Variants in TSPOAP1 observed in about 807,000 individuals in gnomAD.
The protein encoded by TSPOAP1 is TSPO associated protein 1, also known as peripheral-type benzodiazepine receptor-associated protein 1.
In TSPOAP1, 87 loss-of-function variants were observed where a neutral mutation model predicts 197.0. That is an observed-to-expected ratio of 0.44 (90% confidence interval 0.37 to 0.53). The LOEUF is 0.53. Among genes scored for constraint, TSPOAP1 ranks in the 20% least tolerant of loss-of-function variants. The pLI is 0.00. For missense variants in TSPOAP1, 2,174 were observed against 2,411.3 expected, an observed-to-expected ratio of 0.90 and a Z score of 2.06; for synonymous variants, 913 against 998.9, an observed-to-expected ratio of 0.91 and a Z score of 1.62.
chr17:58,319,128 C>T lies in TSPOAP1; in HGVS notation c.1661G>A (p.Cys554Tyr), dbSNP rs1157036159. 1.3e-6 allele frequency: 2 copies of T among 1,547,208 alleles called. No individual in the cohort carries two copies. Among genetic ancestry groups the T allele is most frequent in the South Asian group, 1.2e-5 (1 of 84,170 alleles). Residue 554 changes from cysteine to tyrosine, a missense_variant, in exon 13 of 32, where the codon TGC becomes TAC. Coordinates refer to ENST00000343736, the MANE Select transcript of TSPOAP1 (RefSeq NM_004758.4). The part of the protein sequence containing the change: ...LGDCPPPPCC[C>Y]SIPQPCRGSG... ...CCCCCGGCAAGGCTGGGGAATGGAG[C>T]AGCAGCAGGGGGGTGGTGGGCAGTC...
At chr17:58,311,801 GATAACGCAA>G in intron 17 of TSPOAP1, 79 bp from the exon 18 acceptor site, 1 of 1,495,672 alleles carries the variant, frequency 6.7e-7, no homozygotes, top group African/African-American at 1.4e-5. Flanking sequence ...CTATTTCCCT[GATAACGCAA>G]ATAAGATCAG....
At chr17:58,320,229 T>G in intron 11 of TSPOAP1, 100 bp from the exon 12 acceptor site, 5 of 1,389,176 alleles carry the variant, frequency 3.6e-6, no homozygotes, top group Non-Finnish European at 5.1e-6. Context: ...GTGGATATCA[T>G]CCAGTCAGCT....
Position 58,309,058 on chromosome 17 carries a change from C to A in TSPOAP1, c.4214G>T (p.Arg1405Leu). 6.2e-7 allele frequency: 1 copy of A among 1,612,584 alleles called. No homozygotes were observed. The highest frequency in any genetic ancestry group is 8.5e-7 in the Non-Finnish European group (1 of 1,180,032). ...CTCAGGGGAGCCCCCTCCTCTCCTC[C>A]GGCTGCTTCCACCAACTAATCCAGG... is the stretch of plus-strand genomic sequence containing the variant. ...DMPGLVGGSS[R>L]RRGGGSPEKP... is the part of the protein sequence containing the mutation. The change falls in exon 22 of 32, where the codon CGG becomes CTG. Residue 1405 changes from arginine to leucine, a missense_variant. Arg to Leu is a moderately radical substitution (Grantham distance 102). This residue lies in a region of TSPOAP1 where 1,933 missense variants were observed against 2,139.0 expected (regional missense o/e 0.90). Coordinates refer to ENST00000343736, the MANE Select transcript of TSPOAP1 (RefSeq NM_004758.4). The surrounding 1 kb of genome is among the most constrained non-coding windows in gnomAD (Gnocchi z 5.0).
intron 26 of TSPOAP1, among the ~76,000 whole-genome samples, 160 bp downstream of exon 26, chr17:58,306,182 C>G (rs1436431487): frequency 6.6e-6 from 1 of 151,948 alleles, no homozygotes; most frequent in African/African-American, 2.4e-5. Flanking sequence ...TTCCCTTTAC[C>G]TGCTCAAAAA....
chr17:58,325,726 G>T lies in TSPOAP1; in HGVS notation c.571-13C>A. 6.3e-7 allele frequency: 1 copy of T among 1,595,264 alleles called. No homozygotes were observed. The highest frequency in any genetic ancestry group is 1.3e-5 in the African/African-American group (1 of 74,856). ...AGGGGGCACTCACCTAGCCAGAGGA[G>T]GGGTAAGGCCAATGGTCACCTGAGG... On this transcript the variant is annotated splice_polypyrimidine_tract_variant and intron_variant, in intron 3 of 31. Coordinates refer to ENST00000343736, the MANE Select transcript of TSPOAP1 (RefSeq NM_004758.4).
At chr17:58,316,690 C>T in intron 14 of TSPOAP1, 150 bp from the exon 15 acceptor site, 1 of 618,888 alleles carries the variant, frequency 1.6e-6, no homozygotes, top group East Asian at 2.8e-5. Flanking sequence ...CAAGGACCCC[C>T]TGATGCTCTC....
Position 58,301,463 on chromosome 17 carries a change from G to C in TSPOAP1, c.*1017C>G, listed in dbSNP as rs1970721244. 6.6e-6 allele frequency: 1 copy of C among 152,642 alleles called. No homozygotes were observed. The highest frequency in any genetic ancestry group is 1.5e-5 in the Non-Finnish European group (1 of 68,064). The allele number at this position is 152,642 out of a possible 1,614,324, so 9.5% of individuals were successfully genotyped here. On this transcript the variant is annotated 3_prime_UTR_variant, in exon 32 of 32. Transcript: ENST00000343736. Reference sequence around the variant, plus strand: ...GAACAGGGAATGTATGAAAATAGCTGCATAAATCTGTCCTTTTCTCCAGCC... The same window carrying C: ...GAACAGGGAATGTATGAAAATAGCTCCATAAATCTGTCCTTTTCTCCAGCC...
rs116821900 is a variant in TSPOAP1, at chr17:58,326,246, C to G, written c.570+47G>C. The G allele has an allele frequency of 2.5e-6, 4 of 1,608,778 alleles. No homozygotes were observed. The African/African-American group carries it at 4.0e-5, about 16-fold the overall frequency. ...GCCCTCAGGCCCAGCCCTGGCTCCC[C>G]TCTTCCTTGGTCACCCAGCCTCCGC... On this transcript the variant is annotated intron_variant, in intron 3 of 31. Coordinates refer to ENST00000343736, the MANE Select transcript of TSPOAP1 (RefSeq NM_004758.4). This position sits in a 1 kb window ranked among gnomAD's most constrained non-coding sequence, Gnocchi z 4.7.
Position 58,310,646 on chromosome 17 carries a change from G to C in TSPOAP1, c.3565C>G (p.Gln1189Glu), listed in dbSNP as rs1008075243. Reference sequence around the variant, plus strand: ...TCTCCTGCAGTCCACTCGGCCTCCTGCTTGGCCAGTGAGGGAGCTGCGGGG... The same window carrying C: ...TCTCCTGCAGTCCACTCGGCCTCCTCCTTGGCCAGTGAGGGAGCTGCGGGG... ...PGPAAPSLAK[Q>E]EAEWTAGEAC... The change falls in exon 20 of 32, where the codon CAG becomes GAG. Residue 1189 changes from glutamine to glutamate, a missense_variant. Coordinates refer to ENST00000343736, the MANE Select transcript of TSPOAP1 (RefSeq NM_004758.4). 6.2e-7 allele frequency: 1 copy of C among 1,613,078 alleles called. No homozygotes were observed. The highest frequency in any genetic ancestry group is 1.1e-5 in the South Asian group (1 of 91,064).
In TSPOAP1 at chr17:58,326,879, T is replaced by A; in HGVS notation, c.334-89A>T. 2 of 1,102,530 alleles carry A rather than the reference T, an allele frequency of 1.8e-6. No individual in the cohort carries two copies. The highest frequency in any genetic ancestry group is 2.8e-6 in the Non-Finnish European group (2 of 726,238). 68.3% of individuals were successfully genotyped at this position (1,102,530 alleles called of 1,614,324 possible). On this transcript the variant is annotated intron_variant, in intron 1 of 31. Coordinates refer to ENST00000343736, the MANE Select transcript of TSPOAP1 (RefSeq NM_004758.4). This position sits in a 1 kb window ranked among gnomAD's most constrained non-coding sequence, Gnocchi z 4.7. ...CTGTGGAAGCATCCACCATCCATGGTCCAAGGAGACATGGAGATGAAACGG... is the reference window on the plus strand; with the variant it reads ...CTGTGGAAGCATCCACCATCCATGGACCAAGGAGACATGGAGATGAAACGG...
chr17:58,318,303 G>A lies in TSPOAP1; in HGVS notation c.1849C>T (p.Pro617Ser), dbSNP rs1971300466. Residue 617 changes from proline (P) to serine (S), a missense_variant, in exon 14 of 32, where the codon CCC (proline) becomes TCC (serine). This residue lies in a region of TSPOAP1 where 1,933 missense variants were observed against 2,139.0 expected (regional missense o/e 0.90). Transcript: ENST00000343736. ...SSHSESIHNS[P>S]KSCPTPEVDT... Reference sequence around the variant, plus strand: ...ACCTCAGGTGTAGGGCATGACTTGGGGCTGTTGTGGATGGACTCGGAGTGG... The same window carrying A: ...ACCTCAGGTGTAGGGCATGACTTGGAGCTGTTGTGGATGGACTCGGAGTGG... 1 of 1,614,210 alleles carries A rather than the reference G, an allele frequency of 6.2e-7. No homozygotes were observed. The highest frequency in any genetic ancestry group is 8.5e-7 in the Non-Finnish European group (1 of 1,180,012).
At chr17:58,323,162 A>C (rs1971453416) in intron 7 of TSPOAP1, 123 bp from the exon 8 acceptor site, 2 of 1,451,774 alleles carry the variant, frequency 1.4e-6, no homozygotes. Flanking sequence ...TGCACCAGCC[A>C]GGAAAGGAAA....
At chr17:58,305,344 G>A (rs777167245) in intron 29 of TSPOAP1, 43 bp downstream of exon 29, 2 of 1,604,074 alleles carry the variant, frequency 1.2e-6, no homozygotes, top group Non-Finnish European at 8.5e-7. Context: ...TCCGAAGTCT[G>A]GGGGGCTGGG....
rs1215813063 is a variant in TSPOAP1 at position 58,327,713 on chromosome 17, T to C, written c.208A>G (p.Arg70Gly). The C allele has an allele frequency of 6.2e-7, 1 of 1,614,150 alleles. No homozygotes were observed. The highest frequency in any genetic ancestry group is 8.5e-7 in the Non-Finnish European group (1 of 1,180,036). ...TCAGGGTCAGTTCCCCCCACGGGCC[T>C]GGAGCTCCCGTCTCCTTTGGGCTTG... ...SSKPKGDGSS[R>G]PVGGTDPEGA... The change falls in exon 1 of 32, where the codon AGG becomes GGG. Residue 70 changes from arginine (R) to glycine (G), a missense_variant. Arg to Gly is a moderately radical substitution (Grantham distance 125). This residue lies in a region of TSPOAP1 where 1,933 missense variants were observed against 2,139.0 expected (regional missense o/e 0.90). Transcript: ENST00000343736.
rs1290714676 is a variant in TSPOAP1 at position 58,324,776 on chromosome 17, C to A, written c.942+35G>T. ...TGGTCGTTCCCCCCACCCATCTGCA[C>A]GCACCCACACACCTGCCCTTGCGCC... On this transcript the variant is annotated intron_variant, in intron 5 of 31. Transcript: ENST00000343736. The surrounding 1 kb of genome is among the most constrained non-coding windows in gnomAD (Gnocchi z 5.8). 2 of 1,422,810 alleles carry A rather than the reference C, an allele frequency of 1.4e-6. No individual in the cohort carries two copies. Among genetic ancestry groups the A allele is most frequent in the South Asian group, 1.5e-5 (1 of 67,616 alleles). The allele number at this position is 1,422,810 out of a possible 1,614,324, so 88.1% of individuals were successfully genotyped here. A position where few individuals can be genotyped will look rare whatever the true frequency, so the allele number is the denominator to read the frequency against.
rs185503281 is a variant in TSPOAP1, at chr17:58,306,138, T to C, written c.5224+204A>G. 7.3e-4 allele frequency among the ~76,000 whole-genome samples: 111 copies of C among 152,112 alleles called. 1 individual carries two copies. Among genetic ancestry groups the C allele is most frequent in the African/African-American group, 2.6e-3 (107 of 41,492 alleles). On this transcript the variant is annotated intron_variant, in intron 26 of 31. Coordinates refer to ENST00000343736, the MANE Select transcript of TSPOAP1 (RefSeq NM_004758.4). ...ATCCCCACCGGAACAAAGCCCCCCATGGGGGGAGGCAGGGGATGTGGGTGG... is the reference window on the plus strand; with the variant it reads ...ATCCCCACCGGAACAAAGCCCCCCACGGGGGGAGGCAGGGGATGTGGGTGG...
chr17:58,312,435 G>A lies in TSPOAP1; in HGVS notation c.2386C>T (p.Arg796Cys), dbSNP rs201092790. The A allele has an allele frequency of 2.9e-5, 46 of 1,613,026 alleles. No homozygotes were observed. The highest frequency in any genetic ancestry group is 3.3e-5 in the Admixed American group (2 of 59,954). The change falls in exon 17 of 32, where the codon CGT (arginine) becomes TGT (cysteine). Residue 796 changes from arginine to cysteine, a missense_variant. This residue lies in a region of TSPOAP1 where 1,933 missense variants were observed against 2,139.0 expected (regional missense o/e 0.90). Transcript: ENST00000343736. The stretch of plus-strand genomic sequence containing the variant: ...GCCAGCTGCTTGAGGACCACCAGAC[G>A]GCGGGGGTAAGGCACGGCAGGAGGC... Reference protein sequence around the residue: ...GEPPAVPYPRRLVVLKQLAHS... With the variant: ...GEPPAVPYPRCLVVLKQLAHS...
chr17:58,311,339 A>G, intron 18 of TSPOAP1, 126 bp from the exon 19 acceptor site: 2 of 1,387,514 alleles, frequency 1.4e-6, no homozygotes, highest in Non-Finnish European at 1.9e-6. Flanking sequence ...TACTGTGCTA[A>G]GCCCTCTGCA....
intron 7 of TSPOAP1, 111 bp from the exon 8 acceptor site, chr17:58,323,150 C>G (rs542208950): frequency 3.4e-6 from 5 of 1,463,762 alleles, no homozygotes; most frequent in Non-Finnish European, 4.7e-6. Flanking sequence ...CCTGCTGGAA[C>G]CTGCACCAGC....
Sources: allele counts gnomAD v4.1 joint callset (sites outside exome capture counted in the v4.1 genomes callset), GRCh38; gene constraint gnomAD v4.1.1; regional missense constraint gnomAD v4.1.1; non-coding constraint Gnocchi (gnomAD v3.1); transcripts MANE v1.5; gene names NCBI Gene and HGNC (gene_info 2026-07-23, HGNC 2026-07-21).